ZMAT5: variants seen among roughly 807,000 people sequenced by gnomAD.
ZMAT5 encodes zinc finger matrin-type 5, also known as zinc finger matrin-type protein 5.
Under a neutral mutation model 28.0 loss-of-function variants are expected in ZMAT5, and 23 were observed. The ratio of observed to expected loss-of-function variants is 0.82; its 90% CI spans 0.59 to 1.16. The LOEUF (loss-of-function observed/expected upper bound fraction) is 1.16, where lower values mean the gene tolerates loss of function less well. ZMAT5 is among the 50% of genes most tolerant of loss of function. ZMAT5 has a pLI of 0.00. For missense variants in ZMAT5, 173 were observed against 212.7 expected (o/e 0.81, Z 1.16); for synonymous variants, 76 against 84.1 (o/e 0.90, Z 0.52).
intron 1 of ZMAT5, 115 bp from the exon 2 acceptor site, chr22:29,748,686 C>T (rs2068031452): frequency 1.5e-5 from 20 of 1,339,364 alleles, no homozygotes; most frequent in South Asian, 8.3e-5. Flanking sequence ...ATATGCACCC[C>T]GCCCCATTAG....
chr22:29,742,408 A>G lies in ZMAT5; in HGVS notation c.190+10T>C. The G allele has an allele frequency of 1.9e-6, 3 of 1,612,950 alleles. No homozygotes were observed. Among genetic ancestry groups the G allele is most frequent in the Non-Finnish European group, 2.5e-6 (3 of 1,179,678 alleles). On this transcript the variant is annotated intron_variant, in intron 3 of 5. Transcript: ENST00000344318. The stretch of plus-strand genomic sequence containing the variant: ...CCCCGCAGGGACCTGAGCTGTGCAG[A>G]GGACTTTACCTGTCAGTAGAAACTT...
Position 29,730,976 on chromosome 22 carries a change from A to G in ZMAT5, c.*249T>C. On this transcript the variant is annotated 3_prime_UTR_variant, in exon 6 of 6. Coordinates refer to ENST00000344318, the MANE Select transcript of ZMAT5 (RefSeq NM_001003692.2). Reference sequence around the variant, plus strand: ...ACCACTGTGGTGACAGACTTTCTTTATAAACATTTGGAAGTTTTCTCCCCC... The same window carrying G: ...ACCACTGTGGTGACAGACTTTCTTTGTAAACATTTGGAAGTTTTCTCCCCC... The G allele has an allele frequency of 2.8e-6, 1 of 358,936 alleles. No homozygotes were observed. Among genetic ancestry groups the G allele is most frequent in the Non-Finnish European group, 4.9e-6 (1 of 202,724 alleles). The allele number at this position is 358,936 out of a possible 1,614,324, so 22.2% of individuals were successfully genotyped here. A position where few individuals can be genotyped will look rare whatever the true frequency, so the allele number is the denominator to read the frequency against.
chr22:29,744,827 C>T (rs1008325106), intron 2 of ZMAT5, among the ~76,000 whole-genome samples: 1 of 152,222 alleles, frequency 6.6e-6, no homozygotes, highest in African/African-American at 2.4e-5. Context: ...TTGTTTAAAG[C>T]TCCTCGGTGA....
intron 1 of ZMAT5, among the ~76,000 whole-genome samples, chr22:29,748,873 G>A (rs1283564929): frequency 6.6e-6 from 1 of 152,172 alleles, no homozygotes; most frequent in East Asian, 1.9e-4. Flanking sequence ...GTGCAGTGTT[G>A]CAAACACAGC....
chr22:29,734,597 G>A (rs2067886500), intron 5 of ZMAT5, among the ~76,000 whole-genome samples: 1 of 152,254 alleles, frequency 6.6e-6, no homozygotes, highest in Non-Finnish European at 1.5e-5. Context: ...AGCGGGGGCT[G>A]GGAGGGGTGA....
intron 1 of ZMAT5, among the ~76,000 whole-genome samples, chr22:29,752,993 G>C (rs561367402): frequency 1.3e-5 from 2 of 152,298 alleles, no homozygotes; most frequent in East Asian, 3.9e-4. Flanking sequence ...CTAAGAAGCA[G>C]GTCACAGCAC....
At chr22:29,740,389 C>T (rs565846538) in intron 4 of ZMAT5, among the ~76,000 whole-genome samples, 41 of 152,186 alleles carry the variant, frequency 2.7e-4, no homozygotes, top group Non-Finnish European at 4.9e-4. Context: ...CCAGGTGGGG[C>T]TGAGGTGCAC....
intron 4 of ZMAT5, 91 bp downstream of exon 4, chr22:29,740,559 G>T: frequency 7.4e-7 from 1 of 1,344,926 alleles, no homozygotes; most frequent in South Asian, 1.3e-5. Flanking sequence ...ATGATGGGGA[G>T]ATAGGGAGGC....
At chr22:29,760,754 T>C (rs1267019238) in intron 1 of ZMAT5, among the ~76,000 whole-genome samples, 3 of 152,156 alleles carry the variant, frequency 2.0e-5, no homozygotes, top group Non-Finnish European at 4.4e-5. Context: ...ATGTCCCAGC[T>C]AGAAATCAGT....
intron 3 of ZMAT5, among the ~76,000 whole-genome samples, chr22:29,741,846 GTCTCGCT>G (rs2067965948): frequency 6.6e-6 from 1 of 152,042 alleles, no homozygotes; most frequent in Non-Finnish European, 1.5e-5. Flanking sequence ...TAGAGATGGG[GTCTCGCT>G]ATGTTGCCCA....
intron 1 of ZMAT5, chr22:29,758,753 T>TG (rs1569341085): frequency 6.6e-6 from 1 of 152,394 alleles, no homozygotes; most frequent in Non-Finnish European, 1.5e-5. Flanking sequence ...TCAAAAAAAG[T>TG]GGGGGGCTAG....
chr22:29,757,556 G>C (rs1297173817), intron 1 of ZMAT5, among the ~76,000 whole-genome samples: 1 of 152,216 alleles, frequency 6.6e-6, no homozygotes, highest in Non-Finnish European at 1.5e-5. Flanking sequence ...CGCCAATGGT[G>C]CTTCACACAC....
chr22:29,732,468 T>C (rs2067857855), intron 5 of ZMAT5, among the ~76,000 whole-genome samples: 1 of 152,126 alleles, frequency 6.6e-6, no homozygotes. Flanking sequence ...CCGGGCGCAG[T>C]GACTCACGCC....
intron 1 of ZMAT5, among the ~76,000 whole-genome samples, chr22:29,749,495 G>A (rs1189948237): frequency 6.6e-6 from 1 of 152,002 alleles, no homozygotes; most frequent in Non-Finnish European, 1.5e-5. Context: ...CCCAGGGAGG[G>A]GTATGCCCTC....
intron 1 of ZMAT5, among the ~76,000 whole-genome samples, chr22:29,749,840 T>G (rs1478238088): frequency 5.3e-5 from 8 of 152,116 alleles, no homozygotes; most frequent in Non-Finnish European, 1.2e-4. Context: ...GCTCAGCACT[T>G]CTCTCTCCTG....
chr22:29,764,277 T>A (rs375013346), intron 1 of ZMAT5, among the ~76,000 whole-genome samples: 3 of 152,202 alleles, frequency 2.0e-5, no homozygotes, highest in African/African-American at 7.2e-5. Flanking sequence ...ACCTAAGTAG[T>A]CTTCCCCTGG....
intron 4 of ZMAT5, 46 bp from the exon 5 acceptor site, chr22:29,738,487 C>A: frequency 6.5e-7 from 1 of 1,549,780 alleles, no homozygotes; most frequent in Non-Finnish European, 8.8e-7. Flanking sequence ...ACACTCCTGC[C>A]TGCCAGAACC....
chr22:29,749,018 T>C (rs1214553636), intron 1 of ZMAT5, among the ~76,000 whole-genome samples: 1 of 151,988 alleles, frequency 6.6e-6, no homozygotes, highest in African/African-American at 2.4e-5. Context: ...GATTCTAACA[T>C]GTAAGTAGGC....
intron 3 of ZMAT5, among the ~76,000 whole-genome samples, chr22:29,741,842 TG>T (rs1394652327): frequency 9.9e-5 from 15 of 152,206 alleles, no homozygotes; most frequent in Admixed American, 8.5e-4. Flanking sequence ...TTGGTAGAGA[TG>T]GGGTCTCGCT....
Sources: gnomAD v4.1 joint callset for allele counts (sites outside exome capture counted in the v4.1 genomes callset) on GRCh38, gnomAD v4.1.1 for gene constraint, MANE v1.5 for transcripts, NCBI Gene and HGNC (gene_info 2026-07-23, HGNC 2026-07-21) for gene names.